The following ADAM32 variants were observed in gnomAD, a reference collection of about 807,000 sequenced individuals.
ADAM32 encodes disintegrin and metalloproteinase domain-containing protein 32.
A neutral mutation model predicts 114.9 loss-of-function variants in ADAM32; 89 were observed. That is an observed-to-expected ratio of 0.77 (90% CI 0.65 to 0.92). The LOEUF (loss-of-function observed/expected upper bound fraction) is 0.92, where lower values mean the gene tolerates loss of function less well. Ranked by LOEUF, ADAM32 falls within the 40% of genes least tolerant of loss-of-function variation. The pLI is 0.00. For missense variants in ADAM32, 870 were observed against 932.8 expected, an observed-to-expected ratio of 0.93 and a Z score of 0.88; for synonymous variants, 285 against 307.5, an observed-to-expected ratio of 0.93 and a Z score of 0.77.
chr8:39,217,763 C>T (rs944448196), intron 12 of ADAM32, among the ~76,000 whole-genome samples: 5 of 151,972 alleles, frequency 3.3e-5, no homozygotes, highest in Non-Finnish European at 7.4e-5. Flanking sequence ...TTTTGAATTC[C>T]TTCTCTGTGT....
intron 11 of ADAM32, among the ~76,000 whole-genome samples, chr8:39,209,939 C>T (rs1016968669): frequency 2.0e-5 from 3 of 152,228 alleles, no homozygotes; most frequent in Non-Finnish European, 2.9e-5. Flanking sequence ...ACCTGAAGCC[C>T]ATGGCCTCAT....
intron 11 of ADAM32, among the ~76,000 whole-genome samples, chr8:39,210,356 C>CT (rs1354105937): frequency 2.0e-5 from 3 of 152,178 alleles, no homozygotes; most frequent in East Asian, 3.9e-4. Context: ...TGTGTCTTTT[C>CT]TTGTTGTTAT....
At chr8:39,236,961 G>T (rs1306005652) in intron 16 of ADAM32, among the ~76,000 whole-genome samples, 3 of 152,072 alleles carry the variant, frequency 2.0e-5, no homozygotes, top group Non-Finnish European at 4.4e-5. Flanking sequence ...AAAACTTAAA[G>T]AATTCACAGA....
chr8:39,121,530 C>A (rs1840590640), intron 2 of ADAM32, among the ~76,000 whole-genome samples: 1 of 152,030 alleles, frequency 6.6e-6, no homozygotes, highest in African/African-American at 2.4e-5. Flanking sequence ...AGCAAACCAC[C>A]ATGGCACGTG....
chr8:39,172,433 T>A (rs992405958), intron 10 of ADAM32, among the ~76,000 whole-genome samples: 1 of 152,182 alleles, frequency 6.6e-6, no homozygotes, highest in Non-Finnish European at 1.5e-5. Flanking sequence ...ACCTATCACT[T>A]AAGTATTAAG....
intron 16 of ADAM32, among the ~76,000 whole-genome samples, chr8:39,238,279 A>G (rs1327007822): frequency 1.3e-5 from 2 of 152,226 alleles, no homozygotes; most frequent in Non-Finnish European, 2.9e-5. Context: ...CCCAAGTACC[A>G]ACTGAAAGTC....
chr8:39,148,923 A>C (rs1389035668), intron 4 of ADAM32, among the ~76,000 whole-genome samples: 6 of 152,180 alleles, frequency 3.9e-5, no homozygotes, highest in African/African-American at 1.4e-4. Flanking sequence ...CTCAGAGACC[A>C]ACTCTATACA....
At chr8:39,176,029 A>AT (rs752805456) in intron 10 of ADAM32, among the ~76,000 whole-genome samples, 7 of 152,062 alleles carry the variant, frequency 4.6e-5, no homozygotes, top group Non-Finnish European at 8.8e-5. Context: ...CAGTGGTGAT[A>AT]TCCCCCTTAT....
intron 17 of ADAM32, among the ~76,000 whole-genome samples, chr8:39,252,378 G>A (rs867263823): frequency 1.5e-4 from 23 of 149,492 alleles, no homozygotes; most frequent in African/African-American, 4.4e-4. Flanking sequence ...AAATCAAAAC[G>A]GAAATTAGAA....
In ADAM32 at chr8:39,234,002, A is replaced by G. The variant is rs761273070; in HGVS notation, c.1738A>G (p.Ile580Val). 65 of 1,564,522 alleles carry G rather than the reference A, an allele frequency of 4.2e-5. No homozygotes were observed. Among genetic ancestry groups the G allele is most frequent in the Non-Finnish European group, 5.4e-5 (62 of 1,152,752 alleles). Residue 580 changes from isoleucine to valine, a missense_variant, in exon 16 of 25, where the codon ATA becomes GTA. Ile to Val is a conservative substitution (Grantham distance 29). Coordinates refer to ENST00000379907, the MANE Select transcript of ADAM32 (RefSeq NM_145004.7). ...IYAFVRDSVC[I>V]TVDYKLPRTV... ...TGCTTTCGTACGAGATTCTGTATGC[A>G]TAACTGTAGACTACAAATTGCCTCG...
intron 12 of ADAM32, among the ~76,000 whole-genome samples, chr8:39,217,970 T>C (rs1808703165): frequency 6.6e-6 from 1 of 152,212 alleles, no homozygotes; most frequent in Admixed American, 6.5e-5. Context: ...GTATTTATTA[T>C]AGTCTTTGCC....
At chr8:39,192,642 TG>T (rs1466191998) in intron 11 of ADAM32, among the ~76,000 whole-genome samples, 1 of 152,220 alleles carries the variant, frequency 6.6e-6, no homozygotes, top group Non-Finnish European at 1.5e-5. Flanking sequence ...GTTTTTGTAG[TG>T]GCTGGTAACG....
At chr8:39,192,504 C>G (rs1018236649) in intron 11 of ADAM32, among the ~76,000 whole-genome samples, 3 of 152,160 alleles carry the variant, frequency 2.0e-5, no homozygotes, top group African/African-American at 7.2e-5. Context: ...GGGCATGTAG[C>G]CTGTTTACAT....
chr8:39,217,665 C>T (rs1808675339), intron 12 of ADAM32, among the ~76,000 whole-genome samples: 1 of 152,134 alleles, frequency 6.6e-6, no homozygotes, highest in South Asian at 2.1e-4. Context: ...ATGCATTCTT[C>T]AGTAGGTCAA....
At chr8:39,158,543 C>A (rs1241821046) in intron 6 of ADAM32, 1 of 346,910 alleles carries the variant, frequency 2.9e-6, no homozygotes, top group South Asian at 2.8e-5. Context: ...CACGATGTGT[C>A]ATGCCAGCCT....
At chr8:39,232,158 A>T (rs756901527) in intron 15 of ADAM32, 23 bp downstream of exon 15, 11 of 1,534,596 alleles carry the variant, frequency 7.2e-6, no homozygotes, top group Non-Finnish European at 9.8e-6. Flanking sequence ...AATATAAATG[A>T]TACTTTTCTT....
chr8:39,152,720 C>CAAAAAAAA (rs112877602), intron 6 of ADAM32, among the ~76,000 whole-genome samples: 2 of 136,856 alleles, frequency 1.5e-5, no homozygotes, highest in African/African-American at 6.2e-5. Flanking sequence ...GACTCCATCT[C>CAAAAAAAA]AAAAAAAAAA....
Position 39,147,207 on chromosome 8 carries a change from T to A in ADAM32, c.276+2T>A. 1 of 1,002,956 alleles carries A rather than the reference T, an allele frequency of 1.0e-6. No individual in the cohort carries two copies. 62.1% of individuals were successfully genotyped at this position (1,002,956 alleles called of 1,614,324 possible). On this transcript the variant is annotated splice_donor_variant, in intron 4 of 24. Transcript: ENST00000379907. LOFTEE classifies it high-confidence loss of function. ...AATACTTATTCTTCAGATATTCAGGTAAGATTTAAATTCTGTGTTTTATAG... is the reference window on the plus strand; with the variant it reads ...AATACTTATTCTTCAGATATTCAGGAAAGATTTAAATTCTGTGTTTTATAG...
intron 1 of ADAM32, among the ~76,000 whole-genome samples, chr8:39,117,810 T>C (rs547770574): frequency 1.3e-5 from 2 of 152,244 alleles, no homozygotes; most frequent in South Asian, 4.1e-4. Flanking sequence ...CAGGAAAAAG[T>C]TTTTGAAGTA....
Sources: gnomAD v4.1 joint callset for allele counts (sites outside exome capture counted in the v4.1 genomes callset) on GRCh38, gnomAD v4.1.1 for gene constraint, MANE v1.5 for transcripts, NCBI Gene and HGNC (gene_info 2026-07-23, HGNC 2026-07-21) for gene names.